CFAP54: variants seen among roughly 807,000 people sequenced by gnomAD.
CFAP54 encodes the protein cilia- and flagella-associated protein 54.
In CFAP54, 290 loss-of-function variants were observed where a neutral mutation model predicts 370.4. That is an observed-to-expected ratio of 0.78 (90% CI 0.71 to 0.86). The LOEUF is 0.86. Ranked by LOEUF, CFAP54 falls within the 40% of genes least tolerant of loss-of-function variation. CFAP54 has a pLI of 0.00. For synonymous variants in CFAP54, 1,206 were observed against 1,236.5 expected (o/e 0.98, Z 0.52); for missense variants, 3,399 against 3,528.7 (o/e 0.96, Z 0.93).
At chr12:96,754,314 G>GAT (rs1958225955) in intron 56 of CFAP54, among the ~76,000 whole-genome samples, 1 of 152,044 alleles carries the variant, frequency 6.6e-6, no homozygotes. Context: ...AAATTAAATA[G>GAT]ATATAGCACA....
intron 65 of CFAP54, among the ~76,000 whole-genome samples, chr12:96,827,925 A>G (rs1481621037): frequency 1.7e-5 from 2 of 114,350 alleles, no homozygotes; most frequent in Non-Finnish European, 3.3e-5. Context: ...AATATATTAT[A>G]TTATATATAG....
At chr12:96,798,403 A>T (rs1166062943) in intron 63 of CFAP54, among the ~76,000 whole-genome samples, 1 of 152,264 alleles carries the variant, frequency 6.6e-6, no homozygotes, top group East Asian at 1.9e-4. Context: ...GTCAGAAATC[A>T]TGTTGTTTCA....
At chr12:96,507,147 C>T (rs772062069) in intron 4 of CFAP54, 48 bp downstream of exon 4, 10 of 1,369,928 alleles carry the variant, frequency 7.3e-6, no homozygotes, top group South Asian at 6.4e-5. Flanking sequence ...CAGAAAGTTA[C>T]TTCAATGCTA....
chr12:96,659,463 TG>T (rs1230509003), intron 38 of CFAP54, among the ~76,000 whole-genome samples: 1 of 152,176 alleles, frequency 6.6e-6, no homozygotes, highest in African/African-American at 2.4e-5. Context: ...GCCCACTAAA[TG>T]TTTTAATTTC....
rs915635176 is a variant in CFAP54 at position 96,674,681 on chromosome 12, G to A, written c.5564-4919G>A. Among the ~76,000 whole-genome samples, 83 of 152,278 alleles carry A rather than the reference G, an allele frequency of 5.5e-4. 1 individual carries two copies. Among genetic ancestry groups the A allele is most frequent in the African/African-American group, 1.9e-3 (80 of 41,576 alleles). On this transcript the variant is annotated intron_variant, in intron 39 of 67. Coordinates refer to ENST00000524981, the MANE Select transcript of CFAP54 (RefSeq NM_001306084.2). ...AATTATTTATCAGCCAGATAAAAAAGTAGTGGGATGATTTTATTCAGACTG... is the reference window on the plus strand; with the variant it reads ...AATTATTTATCAGCCAGATAAAAAAATAGTGGGATGATTTTATTCAGACTG...
intron 58 of CFAP54, among the ~76,000 whole-genome samples, chr12:96,761,270 G>C (rs1048315937): frequency 2.6e-5 from 4 of 151,944 alleles, no homozygotes; most frequent in Non-Finnish European, 4.4e-5. Context: ...TCTTCTTTGG[G>C]GAAATGTCTA....
At chr12:96,558,116 C>G (rs1157796657) in intron 17 of CFAP54, among the ~76,000 whole-genome samples, 1 of 152,072 alleles carries the variant, frequency 6.6e-6, no homozygotes, top group African/African-American at 2.4e-5. Context: ...TGTTCCAGTT[C>G]TGGTGCTGGG....
At chr12:96,784,923 T>G in intron 61 of CFAP54, 33 bp downstream of exon 61, 1 of 1,370,634 alleles carries the variant, frequency 7.3e-7, no homozygotes, top group Non-Finnish European at 9.6e-7. Context: ...AGAGAACATA[T>G]TTCTTTCTAA....
At chr12:96,775,386 G>A (rs1370976637) in intron 60 of CFAP54, among the ~76,000 whole-genome samples, 1 of 152,058 alleles carries the variant, frequency 6.6e-6, no homozygotes, top group Non-Finnish European at 1.5e-5. Context: ...CTGAGATGGC[G>A]CTACTGCACT....
chr12:96,517,458 A>G (rs745907194), intron 5 of CFAP54, among the ~76,000 whole-genome samples: 4 of 152,228 alleles, frequency 2.6e-5, no homozygotes, highest in Non-Finnish European at 4.4e-5. Context: ...AGGATTTTAG[A>G]AAGATGTGAA....
At chr12:96,713,453 C>G (rs1957636741) in intron 48 of CFAP54, among the ~76,000 whole-genome samples, 1 of 151,880 alleles carries the variant, frequency 6.6e-6, no homozygotes, top group Non-Finnish European at 1.5e-5. Flanking sequence ...CTATTTTGGA[C>G]TACTGATTTT....
chr12:96,643,345 A>T (rs10219705), intron 32 of CFAP54, among the ~76,000 whole-genome samples: 64,901 of 151,842 alleles, frequency 0.43, 14,253 homozygotes, highest in Admixed American at 0.51. Context: ...CTCTGTTTCA[A>T]CATCTGCCTG....
chr12:96,742,619 A>C, intron 52 of CFAP54, 33 bp downstream of exon 52: 1 of 1,582,384 alleles, frequency 6.3e-7, no homozygotes, highest in Non-Finnish European at 8.6e-7. Flanking sequence ...TGTTTTCATA[A>C]AAATTAATTT....
intron 46 of CFAP54, among the ~76,000 whole-genome samples, chr12:96,704,452 G>A (rs1415852767): frequency 2.4e-4 from 15 of 61,286 alleles, no homozygotes; most frequent in South Asian, 6.5e-4. Context: ...ATGTATGTGT[G>A]TATATATATA....
chr12:96,698,096 T>C (rs59980118), intron 45 of CFAP54, among the ~76,000 whole-genome samples: 2,950 of 152,322 alleles, frequency 0.019, 107 homozygotes, highest in African/African-American at 0.067. Flanking sequence ...GAGTACCCTG[T>C]ATCCCTTTGT....
chr12:96,654,361 C>A (rs927097949), intron 36 of CFAP54, among the ~76,000 whole-genome samples: 1 of 151,860 alleles, frequency 6.6e-6, no homozygotes, highest in African/African-American at 2.4e-5. Flanking sequence ...ATTAGCCGGG[C>A]GTAGTGGCGG....
intron 39 of CFAP54, among the ~76,000 whole-genome samples, chr12:96,675,356 A>G (rs1957194086): frequency 6.6e-6 from 1 of 152,254 alleles, no homozygotes; most frequent in South Asian, 2.1e-4. Flanking sequence ...ATCACTGGCC[A>G]TCAGAGAAGT....
chr12:96,699,404 G>C (rs551611540), intron 45 of CFAP54, among the ~76,000 whole-genome samples: 1 of 152,148 alleles, frequency 6.6e-6, no homozygotes, highest in South Asian at 2.1e-4. Flanking sequence ...TATTACCTGG[G>C]TGATGAAATA....
At chr12:96,503,302 T>G (rs1955053076) in intron 2 of CFAP54, among the ~76,000 whole-genome samples, 1 of 147,018 alleles carries the variant, frequency 6.8e-6, no homozygotes, top group Non-Finnish European at 1.5e-5. Flanking sequence ...TCTTCCCTTT[T>G]CTTTTCCTTT....
Sources: gnomAD v4.1 joint callset for allele counts (sites outside exome capture counted in the v4.1 genomes callset) on GRCh38, gnomAD v4.1.1 for gene constraint, MANE v1.5 for transcripts, NCBI Gene and HGNC (gene_info 2026-07-23, HGNC 2026-07-21) for gene names.